The following ECSIT variants were observed in gnomAD, a reference collection of about 807,000 sequenced individuals.
ECSIT encodes the protein evolutionarily conserved signaling intermediate in Toll pathway, mitochondrial.
Under a neutral mutation model 36.8 loss-of-function variants are expected in ECSIT, and 29 were observed. The observed-to-expected ratio is 0.79, with a 90% confidence interval of 0.59 to 1.08. The LOEUF is 1.08. Among genes scored for constraint, ECSIT ranks in the 50% least tolerant of loss-of-function variants. The pLI, the probability that ECSIT is intolerant of heterozygous loss-of-function variation, is 0.00. For synonymous variants in ECSIT, 231 were observed against 234.8 expected, an observed-to-expected ratio of 0.98 and a Z score of 0.15; for missense variants, 542 against 581.0, an observed-to-expected ratio of 0.93 and a Z score of 0.69.
chr19:11,507,077 G>A (rs1383586374), intron 7 of ECSIT, among the ~76,000 whole-genome samples: 1 of 152,174 alleles, frequency 6.6e-6, no homozygotes, highest in African/African-American at 2.4e-5. Context: ...GCACAGAGTT[G>A]TAGGAGGGAG....
Position 11,519,248 on chromosome 19 carries a change from G to C in ECSIT, c.-23-55C>G. The C allele has an allele frequency of 2.4e-6, 3 of 1,243,008 alleles. No homozygotes were observed. Among genetic ancestry groups the C allele is most frequent in the Non-Finnish European group, 3.4e-6 (3 of 877,162 alleles). The allele number at this position is 1,243,008 out of a possible 1,614,324, so 77.0% of individuals were successfully genotyped here. On this transcript the variant is annotated intron_variant, in intron 1 of 7. Coordinates refer to ENST00000270517, the MANE Select transcript of ECSIT (RefSeq NM_016581.5). The surrounding 1 kb of genome is among the most constrained non-coding windows in gnomAD (Gnocchi z 4.4). ...TGGCACCTTACAGATGCTAACAGAC[G>C]CAAGGGCCCCGCAGGGTCGAGGGCA...
At chr19:11,527,690 T>C (rs1972244011) in intron 1 of ECSIT, among the ~76,000 whole-genome samples, 1 of 151,646 alleles carries the variant, frequency 6.6e-6, no homozygotes, top group Admixed American at 6.6e-5. Flanking sequence ...AGATCCTGTC[T>C]CTAAAAATAA....
chr19:11,522,390 C>T lies in ECSIT; in HGVS notation c.-23-3197G>A, dbSNP rs1275860781. On this transcript the variant is annotated intron_variant, in intron 1 of 7. Coordinates refer to ENST00000270517, the MANE Select transcript of ECSIT (RefSeq NM_016581.5). The stretch of plus-strand genomic sequence containing the variant: ...CAGCCAGCAAGTCCCACCGGCTGGC[C>T]GTCAAGCAGTTCCAAGACTCCAAGA... 21 of 1,003,448 alleles carry T rather than the reference C, an allele frequency of 2.1e-5. No homozygotes were observed. In the Admixed American group the frequency reaches 2.1e-4, roughly 10 times the overall value. 62.2% of individuals were successfully genotyped at this position (1,003,448 alleles called of 1,614,324 possible).
chr19:11,508,613 C>G (rs1371469848), intron 4 of ECSIT, among the ~76,000 whole-genome samples: 1 of 151,906 alleles, frequency 6.6e-6, no homozygotes, highest in Non-Finnish European at 1.5e-5. Flanking sequence ...AGTGCAATGG[C>G]ATGATCTCGG....
At chr19:11,521,484 T>C (rs972761552) in intron 1 of ECSIT, among the ~76,000 whole-genome samples, 1 of 151,584 alleles carries the variant, frequency 6.6e-6, no homozygotes, top group Non-Finnish European at 1.5e-5. Flanking sequence ...GTAAAAGTTA[T>C]GGCTGTACGT....
intron 4 of ECSIT, among the ~76,000 whole-genome samples, chr19:11,511,701 A>G (rs1393606666): frequency 2.0e-5 from 3 of 152,258 alleles, no homozygotes; most frequent in African/African-American, 7.2e-5. Context: ...CACTTAGATC[A>G]TAAGGGCTCT....
intron 1 of ECSIT, among the ~76,000 whole-genome samples, chr19:11,522,875 C>T (rs1972135051): frequency 6.6e-6 from 1 of 151,998 alleles, no homozygotes; most frequent in Admixed American, 6.6e-5. Context: ...TCGAGACCAT[C>T]CTGGTTAACA....
intron 7 of ECSIT, 113 bp from the exon 8 acceptor site, chr19:11,506,541 T>C (rs1971745641): frequency 4.3e-6 from 6 of 1,384,416 alleles, no homozygotes; most frequent in Non-Finnish European, 5.7e-6. Context: ...TTTTTTTTTT[T>C]TTTTTTTTTT....
intron 1 of ECSIT, chr19:11,523,796 G>T: frequency 1.5e-6 from 1 of 652,450 alleles, no homozygotes; most frequent in South Asian, 1.4e-5. Flanking sequence ...TCAGGCCAAG[G>T]ATGTCATCCA....
chr19:11,518,666 C>T (rs201122302), intron 2 of ECSIT, among the ~76,000 whole-genome samples: 5 of 152,018 alleles, frequency 3.3e-5, no homozygotes, highest in South Asian at 2.1e-4. Flanking sequence ...GGGAGGCTGA[C>T]GCAGGTGGAT....
intron 3 of ECSIT, 114 bp from the exon 4 acceptor site, chr19:11,513,393 T>C: frequency 2.1e-6 from 2 of 939,848 alleles, no homozygotes. Context: ...GAGAAAAGAA[T>C]CAGAGAGAAT....
At chr19:11,517,276 A>G (rs545146870) in intron 2 of ECSIT, among the ~76,000 whole-genome samples, 1 of 143,038 alleles carries the variant, frequency 7.0e-6, no homozygotes, top group African/African-American at 3.0e-5. Flanking sequence ...TGATAAGGCA[A>G]TGTTAAAAAA....
rs1214620329 is a variant in ECSIT at position 11,508,029 on chromosome 19, G to A, written c.758C>T (p.Ser253Leu). 27 of 1,614,030 alleles carry A rather than the reference G, an allele frequency of 1.7e-5. No individual in the cohort carries two copies. Among genetic ancestry groups the A allele is most frequent in the Non-Finnish European group, 2.0e-5 (24 of 1,180,028 alleles). The stretch of plus-strand genomic sequence containing the variant: ...CTGGGGGGGATCTGCTGCACCTGTT[G>A]AGTCTTTGGGCAAAGGAACCTGCAA... ...TIYQVPLPKDSTGAADPPQPH... is the reference protein window; with the variant it reads ...TIYQVPLPKDLTGAADPPQPH... The change falls in exon 5 of 8, where the codon TCA becomes TTA. Residue 253 changes from serine (S) to leucine (L), a missense_variant. Ser to Leu is a moderately radical substitution (Grantham distance 145). Transcript: ENST00000270517.
chr19:11,513,000 G>T, intron 4 of ECSIT, 56 bp downstream of exon 4: 1 of 1,545,426 alleles, frequency 6.5e-7, no homozygotes, highest in Non-Finnish European at 8.9e-7. Context: ...CCCAGGGGAG[G>T]AATGGCGGGA....
intron 4 of ECSIT, among the ~76,000 whole-genome samples, chr19:11,511,021 C>T (rs756349760): frequency 1.3e-5 from 2 of 151,950 alleles, no homozygotes; most frequent in Non-Finnish European, 2.9e-5. Context: ...CTCACTGCAC[C>T]GCATTTCCTG....
rs1376578807 is a variant in ECSIT at position 11,519,657 on chromosome 19, G to A, written c.-23-464C>T. On this transcript the variant is annotated intron_variant, in intron 1 of 7. Coordinates refer to ENST00000270517, the MANE Select transcript of ECSIT (RefSeq NM_016581.5). This position sits in a 1 kb window ranked among gnomAD's most constrained non-coding sequence, Gnocchi z 4.4. ...ACTACAATCTAATTTTACAAAATCT[G>A]TGTCACTCCAACAAGAATCCCTGTA... is the stretch of plus-strand genomic sequence containing the variant. Among the ~76,000 whole-genome samples, 1 of 151,924 alleles carries A rather than the reference G, an allele frequency of 6.6e-6. No individual in the cohort carries two copies. Among genetic ancestry groups the A allele is most frequent in the Non-Finnish European group, 1.5e-5 (1 of 67,998 alleles).
intron 2 of ECSIT, 77 bp from the exon 3 acceptor site, chr19:11,514,298 A>G (rs1971942609): frequency 4.3e-6 from 6 of 1,408,430 alleles, no homozygotes; most frequent in African/African-American, 1.4e-5. Context: ...CTCTTTCCTC[A>G]GAGAGGTCCC....
At chr19:11,527,853 A>G (rs1232963229) in intron 1 of ECSIT, among the ~76,000 whole-genome samples, 1 of 151,964 alleles carries the variant, frequency 6.6e-6, no homozygotes, top group Non-Finnish European at 1.5e-5. Flanking sequence ...AATTAGCTGG[A>G]CCTGGTGGTG....
At chr19:11,526,819 A>G (rs1972225130) in intron 1 of ECSIT, among the ~76,000 whole-genome samples, 1 of 151,018 alleles carries the variant, frequency 6.6e-6, no homozygotes, top group South Asian at 2.1e-4. Flanking sequence ...CCCCAGTTCA[A>G]GTTGGTTCTC....
Sources: gnomAD v4.1 joint callset for allele counts (sites outside exome capture counted in the v4.1 genomes callset) on GRCh38, gnomAD v4.1.1 for gene constraint, Gnocchi (gnomAD v3.1) non-coding constraint, MANE v1.5 for transcripts, NCBI Gene and HGNC (gene_info 2026-07-23, HGNC 2026-07-21) for gene names.